Variants in ST8SIA1 observed in about 807,000 individuals in gnomAD.
The protein encoded by ST8SIA1 is alpha-N-acetylneuraminide alpha-2,8-sialyltransferase.
In ST8SIA1, 16 loss-of-function variants were observed where a neutral mutation model predicts 35.9. That is an observed-to-expected ratio of 0.45 (90% CI 0.30 to 0.68). The LOEUF is 0.68. Ranked by LOEUF, ST8SIA1 falls within the 30% of genes least tolerant of loss-of-function variation. The pLI is 0.09. For synonymous variants in ST8SIA1, 170 were observed against 169.6 expected, an observed-to-expected ratio of 1.00 and a Z score of -0.02; for missense variants, 383 against 453.6, an observed-to-expected ratio of 0.84 and a Z score of 1.41.
At chr12:22,328,967 T>C (rs1259761743) in intron 1 of ST8SIA1, among the ~76,000 whole-genome samples, 1 of 152,158 alleles carries the variant, frequency 6.6e-6, no homozygotes, top group Non-Finnish European at 1.5e-5. Flanking sequence ...TAATGCACTG[T>C]CAAGAGATGA....
chr12:22,276,058 C>T (rs1865964294), intron 2 of ST8SIA1, among the ~76,000 whole-genome samples: 1 of 152,164 alleles, frequency 6.6e-6, no homozygotes, highest in African/African-American at 2.4e-5. Flanking sequence ...CAGCAGCCTC[C>T]AGGCAGGATT....
At position 22,193,640 on chromosome 12, in the gene ST8SIA1, A is replaced by G. The variant is rs1864949860; in HGVS notation, c.*7912T>C. ...TCTAATCACACCGTAGAAAGTACCA[A>G]TTAAAGTTTTCTTTTTTACCTGCAA... On this transcript the variant is annotated 3_prime_UTR_variant, in exon 5 of 5. Coordinates refer to ENST00000396037, the MANE Select transcript of ST8SIA1 (RefSeq NM_003034.4). 3 of 152,218 alleles carry G rather than the reference A, an allele frequency of 2.0e-5. No homozygotes were observed. The allele number at this position is 152,218 out of a possible 1,614,324, so 9.4% of individuals were successfully genotyped here.
At chr12:22,321,561 T>C (rs563986171) in intron 1 of ST8SIA1, among the ~76,000 whole-genome samples, 2 of 152,330 alleles carry the variant, frequency 1.3e-5, no homozygotes, top group South Asian at 4.1e-4. Flanking sequence ...GCCAGAATTT[T>C]CATTGTGCTT....
chr12:22,333,868 G>C, intron 1 of ST8SIA1, 129 bp downstream of exon 1: 1 of 882,978 alleles, frequency 1.1e-6, no homozygotes, highest in South Asian at 1.3e-5. Context: ...TGGAGGGAAA[G>C]GACATGGAAG....
At chr12:22,208,563 T>G (rs1015097789) in intron 4 of ST8SIA1, among the ~76,000 whole-genome samples, 6 of 152,076 alleles carry the variant, frequency 3.9e-5, no homozygotes, top group African/African-American at 1.4e-4. Context: ...CCAGATAAAT[T>G]TGTAGGTTCA....
Position 22,280,699 on chromosome 12 carries a change from C to A in ST8SIA1, c.381+6450G>T, listed in dbSNP as rs1390509632. On this transcript the variant is annotated intron_variant, in intron 2 of 4. Transcript: ENST00000396037. ...TTGAAAAACAAGACATCTTAAAGTT[C>A]CCATCAGCTATTCTTCTGAGCAACT... Among the ~76,000 whole-genome samples, 3 of 152,216 alleles carry A rather than the reference C, an allele frequency of 2.0e-5. No homozygotes were observed. The East Asian group carries it at 5.8e-4, about 29-fold the overall frequency.
intron 1 of ST8SIA1, chr12:22,324,994 T>C (rs1477468994): frequency 6.5e-6 from 1 of 152,806 alleles, no homozygotes; most frequent in Non-Finnish European, 1.5e-5. Context: ...AAATTAAATA[T>C]ACAAAATACA....
intron 1 of ST8SIA1, among the ~76,000 whole-genome samples, chr12:22,308,358 T>A (rs1022689607): frequency 1.3e-5 from 2 of 152,156 alleles, no homozygotes; most frequent in African/African-American, 4.8e-5. Context: ...AGAAAAATAC[T>A]ATTAACAGTT....
chr12:22,289,105 T>C (rs1306315498), intron 1 of ST8SIA1, among the ~76,000 whole-genome samples: 7 of 152,154 alleles, frequency 4.6e-5, no homozygotes, highest in Non-Finnish European at 8.8e-5. Context: ...TAGGCTCTTA[T>C]TGAGTCAACA....
chr12:22,224,381 G>A (rs1865332577), intron 4 of ST8SIA1, among the ~76,000 whole-genome samples: 2 of 150,810 alleles, frequency 1.3e-5, no homozygotes, highest in African/African-American at 2.4e-5. Flanking sequence ...ACAATCTCTG[G>A]TCACTGCAAC....
intron 4 of ST8SIA1, among the ~76,000 whole-genome samples, chr12:22,230,741 A>C (rs1472120739): frequency 6.6e-6 from 1 of 152,170 alleles, no homozygotes; most frequent in East Asian, 1.9e-4. Context: ...AGTAGAGACT[A>C]GACATTGAGT....
intron 1 of ST8SIA1, among the ~76,000 whole-genome samples, chr12:22,312,651 G>A (rs1866464839): frequency 6.6e-6 from 1 of 150,740 alleles, no homozygotes; most frequent in Non-Finnish European, 1.5e-5. Context: ...GTCATTGCTG[G>A]ATTAAGCAAA....
chr12:22,212,187 A>T (rs1347833376), intron 4 of ST8SIA1, among the ~76,000 whole-genome samples: 1 of 152,200 alleles, frequency 6.6e-6, no homozygotes, highest in Non-Finnish European at 1.5e-5. Flanking sequence ...TTAAAAGTCC[A>T]CTTCTTTTAC....
chr12:22,261,209 A>G (rs568459524), intron 2 of ST8SIA1, among the ~76,000 whole-genome samples: 251 of 152,210 alleles, frequency 1.6e-3, no homozygotes, highest in Non-Finnish European at 2.9e-3. Context: ...CAGTGCCGCA[A>G]TCTTGGCTCA....
chr12:22,225,260 A>T (rs1865343204), intron 4 of ST8SIA1, among the ~76,000 whole-genome samples: 1 of 152,162 alleles, frequency 6.6e-6, no homozygotes, highest in Non-Finnish European at 1.5e-5. Context: ...TAATAAAATG[A>T]TTATACAGTT....
At chr12:22,260,571 T>C (rs1169395776) in intron 2 of ST8SIA1, among the ~76,000 whole-genome samples, 5 of 152,308 alleles carry the variant, frequency 3.3e-5, no homozygotes, top group South Asian at 4.1e-4. Flanking sequence ...GACCATATTA[T>C]ATGAATCATC....
intron 4 of ST8SIA1, among the ~76,000 whole-genome samples, chr12:22,245,528 C>T (rs1386668243): frequency 3.3e-5 from 5 of 152,186 alleles, no homozygotes; most frequent in African/African-American, 7.2e-5. Context: ...TGTGAAAATG[C>T]TACTGTCTCC....
intron 3 of ST8SIA1, among the ~76,000 whole-genome samples, chr12:22,252,203 G>A (rs1865679088): frequency 6.6e-6 from 1 of 152,170 alleles, no homozygotes; most frequent in African/African-American, 2.4e-5. Context: ...AAGACACTTT[G>A]AACTGTAATC....
chr12:22,266,665 C>A (rs1865852064), intron 2 of ST8SIA1, among the ~76,000 whole-genome samples: 1 of 151,934 alleles, frequency 6.6e-6, no homozygotes, highest in African/African-American at 2.4e-5. Context: ...AGCATCATGG[C>A]ATGGACGTGT....
Sources: gnomAD v4.1 joint callset for allele counts (sites outside exome capture counted in the v4.1 genomes callset) on GRCh38, gnomAD v4.1.1 for gene constraint, MANE v1.5 for transcripts, NCBI Gene and HGNC (gene_info 2026-07-23, HGNC 2026-07-21) for gene names.